Variants in SP100 observed in about 807,000 individuals in gnomAD.
The protein encoded by SP100 is nuclear autoantigen Sp-100.
A neutral mutation model predicts 130.0 loss-of-function variants in SP100; 84 were observed. The observed-to-expected ratio is 0.65, with a 90% CI of 0.54 to 0.77. The LOEUF (loss-of-function observed/expected upper bound fraction) is 0.77, where lower values mean the gene tolerates loss of function less well. Among genes scored for constraint, SP100 ranks in the 30% least tolerant of loss-of-function variants. The probability of loss-of-function intolerance (pLI) is 0.00; values close to 1 mark genes in which losing one functional copy is unlikely to be tolerated. For synonymous variants in SP100, 331 were observed against 351.7 expected (o/e 0.94, Z 0.66); for missense variants, 978 against 1,052.2 (o/e 0.93, Z 0.97).
chr2:230,421,587 GA>G lies in SP100; in HGVS notation c.107+3930del, dbSNP rs149593324. On this transcript the variant is annotated intron_variant, in intron 2 of 28. Coordinates refer to ENST00000340126, the MANE Select transcript of SP100 (RefSeq NM_001080391.2). ...TATATATATAAATTGTACATGTCTG[GA>G]AAAAAAATTTTATCCTTAATCCTCA... 8.9e-4 allele frequency among the ~76,000 whole-genome samples: 133 copies of G among 150,046 alleles called. 1 individual carries two copies. The East Asian group carries it at 0.018, about 20-fold the overall frequency.
chr2:230,434,444 C>G (rs2063187474), intron 2 of SP100, among the ~76,000 whole-genome samples: 1 of 152,106 alleles, frequency 6.6e-6, no homozygotes, highest in Non-Finnish European at 1.5e-5. Flanking sequence ...TTGTATATAT[C>G]AGATACTCAA....
At chr2:230,496,710 C>T (rs770727879) in intron 18 of SP100, among the ~76,000 whole-genome samples, 5 of 152,266 alleles carry the variant, frequency 3.3e-5, no homozygotes, top group Middle Eastern at 3.4e-3. Context: ...CAAAGTTCCC[C>T]TAATTCAGGA....
At chr2:230,463,817 G>C in intron 10 of SP100, 1 of 289,496 alleles carries the variant, frequency 3.5e-6, no homozygotes, top group Non-Finnish European at 6.6e-6. Context: ...AAGCAGAAGG[G>C]ATAAGAAGTA....
In SP100 at chr2:230,467,215, G is replaced by A; in HGVS notation, c.1291G>A (p.Ala431Thr). 1 of 1,608,824 alleles carries A rather than the reference G, an allele frequency of 6.2e-7. No homozygotes were observed. ...ACTGAGAAGCAAGCATGGTGAGAAG[G>A]GTAAGAACAGCTCCCTTGACTTCAG... ...GALRSKHGEKAPMTSRSTSTW... is the reference protein window; with the variant it reads ...GALRSKHGEKTPMTSRSTSTW... Residue 431 changes from alanine (A) to threonine (T), a missense_variant and splice_region_variant, in exon 13 of 29, where the codon GCT becomes ACT. By Grantham distance (58) the Ala-to-Thr change is moderately conservative. Coordinates refer to ENST00000340126, the MANE Select transcript of SP100 (RefSeq NM_001080391.2).
At chr2:230,515,049 G>A in intron 24 of SP100, 1 of 1,605,878 alleles carries the variant, frequency 6.2e-7, no homozygotes, top group Non-Finnish European at 8.5e-7. Context: ...CTAAGAAGCT[G>A]AGAGGTGAAA....
chr2:230,499,207 T>TA (rs2066868587), intron 19 of SP100, among the ~76,000 whole-genome samples: 1 of 151,932 alleles, frequency 6.6e-6, no homozygotes, highest in East Asian at 1.9e-4. Context: ...AATCAGCTCT[T>TA]CAGTCCCCAC....
At chr2:230,464,922 C>T (rs1678204) in intron 11 of SP100, among the ~76,000 whole-genome samples, 36,800 of 151,938 alleles carry the variant, frequency 0.24, 5,089 homozygotes, top group Middle Eastern at 0.33. Flanking sequence ...AGAAACTCCA[C>T]CTCTACCAAA....
chr2:230,454,464 C>T (rs1015093821), intron 8 of SP100, among the ~76,000 whole-genome samples: 1 of 152,008 alleles, frequency 6.6e-6, no homozygotes, highest in Non-Finnish European at 1.5e-5. Flanking sequence ...TGCTATATCC[C>T]ATAAGTTTTG....
At chr2:230,523,509 A>G (rs1691272804) in intron 24 of SP100, among the ~76,000 whole-genome samples, 1 of 152,036 alleles carries the variant, frequency 6.6e-6, no homozygotes, top group Non-Finnish European at 1.5e-5. Flanking sequence ...TCTATAAAAA[A>G]TAAAAATAAA....
chr2:230,435,542 T>C (rs931377363), intron 2 of SP100, among the ~76,000 whole-genome samples: 30 of 152,208 alleles, frequency 2.0e-4, no homozygotes, highest in African/African-American at 7.2e-4. Context: ...ATATTTACAT[T>C]ATTTGATTCA....
At chr2:230,436,885 C>CATATGTGTATACACACAT (rs1559486388) in intron 2 of SP100, among the ~76,000 whole-genome samples, 5 of 91,316 alleles carry the variant, frequency 5.5e-5, no homozygotes, top group African/African-American at 8.6e-5. Context: ...TATACACACA[C>CATATGTGTATACACACAT]ATATATGTGT....
chr2:230,538,976 T>C (rs1254937721), intron 24 of SP100: 1 of 259,598 alleles, frequency 3.9e-6, no homozygotes, highest in African/African-American at 2.1e-5. Flanking sequence ...GGCCAGGTTT[T>C]CCCAGCTGTT....
intron 19 of SP100, among the ~76,000 whole-genome samples, chr2:230,500,973 T>A (rs1444614771): frequency 6.6e-6 from 1 of 152,164 alleles, no homozygotes. Flanking sequence ...CCAGGTGTGG[T>A]GGCTCACACC....
At chr2:230,437,750 A>G (rs10207311) in intron 2 of SP100, among the ~76,000 whole-genome samples, 102,183 of 151,694 alleles carry the variant, frequency 0.67, 35,524 homozygotes, top group African/African-American at 0.76. Flanking sequence ...GTGAGATGGG[A>G]TTTCACTATG....
chr2:230,426,665 CAT>C (rs1295226583), intron 2 of SP100, among the ~76,000 whole-genome samples: 5 of 152,160 alleles, frequency 3.3e-5, no homozygotes, highest in Non-Finnish European at 7.4e-5. Context: ...TGTGGCCTAA[CAT>C]ATGATTTTTT....
intron 17 of SP100, among the ~76,000 whole-genome samples, chr2:230,481,297 TAA>T (rs1180188696): frequency 6.6e-6 from 1 of 152,196 alleles, no homozygotes; most frequent in Non-Finnish European, 1.5e-5. Flanking sequence ...ACAGGTGTCT[TAA>T]ATCTGATGTG....
intron 2 of SP100, among the ~76,000 whole-genome samples, chr2:230,433,301 A>G (rs977702710): frequency 2.6e-5 from 4 of 152,318 alleles, no homozygotes; most frequent in South Asian, 2.1e-4. Context: ...TTGAAAATCA[A>G]TTGACCAAAA....
At chr2:230,476,910 G>C (rs1380873422) in intron 17 of SP100, among the ~76,000 whole-genome samples, 1 of 152,104 alleles carries the variant, frequency 6.6e-6, no homozygotes, top group Non-Finnish European at 1.5e-5. Context: ...CTGTTGCTCA[G>C]GCTGGAGCAC....
chr2:230,482,730 TTCTAG>T (rs1227360526), intron 17 of SP100, among the ~76,000 whole-genome samples: 1 of 152,012 alleles, frequency 6.6e-6, no homozygotes, highest in Non-Finnish European at 1.5e-5. Context: ...TTTCTGGGCT[TTCTAG>T]TCTGATCCAT....
Sources: allele counts gnomAD v4.1 joint callset (sites outside exome capture counted in the v4.1 genomes callset), GRCh38; gene constraint gnomAD v4.1.1; transcripts MANE v1.5; gene names NCBI Gene and HGNC (gene_info 2026-07-23, HGNC 2026-07-21).